AGMO: variants seen among roughly 807,000 people sequenced by gnomAD.
The protein encoded by AGMO is glyceryl-ether monooxygenase.
A neutral mutation model predicts 60.2 loss-of-function variants in AGMO; 75 were observed. The ratio of observed to expected loss-of-function variants is 1.25; its 90% CI spans 1.03 to 1.51. The LOEUF (loss-of-function observed/expected upper bound fraction) is 1.51, where lower values mean the gene tolerates loss of function less well. Ranked by LOEUF, AGMO falls within the 40% of genes most tolerant of loss-of-function variation. AGMO has a pLI of 0.00. For synonymous variants in AGMO, 261 were observed against 177.1 expected, an observed-to-expected ratio of 1.47 and a Z score of -3.76; for missense variants, 763 against 525.5, an observed-to-expected ratio of 1.45 and a Z score of -4.42.
At chr7:15,374,884 G>C (rs190070387) in intron 10 of AGMO, among the ~76,000 whole-genome samples, 29 of 152,202 alleles carry the variant, frequency 1.9e-4, no homozygotes, top group African/African-American at 7.0e-4. Flanking sequence ...AATTTGCAGA[G>C]TGTCGGTCAA....
intron 2 of AGMO, among the ~76,000 whole-genome samples, chr7:15,559,923 C>T (rs750817874): frequency 9.2e-5 from 14 of 151,972 alleles, no homozygotes; most frequent in Non-Finnish European, 2.1e-4. Flanking sequence ...AAAGGGATAT[C>T]AACAGAGTCA....
intron 12 of AGMO, among the ~76,000 whole-genome samples, chr7:15,297,519 CTT>C (rs1226625138): frequency 6.6e-6 from 1 of 152,088 alleles, no homozygotes; most frequent in Non-Finnish European, 1.5e-5. Context: ...AAGTTCAACT[CTT>C]TTTTGATTTA....
At chr7:15,372,163 A>C (rs62452362) in intron 10 of AGMO, among the ~76,000 whole-genome samples, 36 of 41,682 alleles carry the variant, frequency 8.6e-4, no homozygotes, top group African/African-American at 5.1e-3. Flanking sequence ...CTAAAGTCTA[A>C]CATGCGGCTG....
At chr7:15,302,313 G>A (rs1445109479) in intron 12 of AGMO, among the ~76,000 whole-genome samples, 1 of 152,010 alleles carries the variant, frequency 6.6e-6, no homozygotes, top group Non-Finnish European at 1.5e-5. Context: ...TTAATTTACA[G>A]AATTCTTCTT....
At chr7:15,272,617 T>A (rs1182593082) in intron 12 of AGMO, among the ~76,000 whole-genome samples, 1 of 152,126 alleles carries the variant, frequency 6.6e-6, no homozygotes, top group Non-Finnish European at 1.5e-5. Context: ...TACAGCAGCA[T>A]GGTTTATAAT....
intron 12 of AGMO, among the ~76,000 whole-genome samples, chr7:15,208,242 G>A (rs1047381033): frequency 6.6e-6 from 1 of 152,136 alleles, no homozygotes; most frequent in Non-Finnish European, 1.5e-5. Context: ...AGGATACATA[G>A]AGAGAGGGTT....
At chr7:15,507,639 A>G (rs947744505) in intron 3 of AGMO, among the ~76,000 whole-genome samples, 5 of 152,194 alleles carry the variant, frequency 3.3e-5, no homozygotes, top group Non-Finnish European at 7.4e-5. Context: ...ATCCTTATTT[A>G]AAAACTAAGC....
rs200002162 is a variant in AGMO, at chr7:15,561,869, C to T, written c.-24G>A. 1.3e-6 allele frequency: 2 copies of T among 1,582,884 alleles called. No individual in the cohort carries two copies. Among genetic ancestry groups the T allele is most frequent in the East Asian group, 4.5e-5 (2 of 44,140 alleles). ...ATTTCTGCCCTTGTCTGATTCCCAG[C>T]TGGAGAATATTTAGGATTCAATGCT... is the stretch of plus-strand genomic sequence containing the variant. On this transcript the variant is annotated 5_prime_UTR_variant, in exon 1 of 13. Transcript: ENST00000342526.
At chr7:15,179,192 T>C in the AGMO span, among the ~76,000 whole-genome samples, 1 of 151,958 alleles carries the variant, frequency 6.6e-6, no homozygotes, top group Admixed American at 6.6e-5. Context: ...GGCCATAACA[T>C]CAGTCGGGAG....
chr7:15,383,668 T>C (rs536838885), intron 10 of AGMO, among the ~76,000 whole-genome samples: 3 of 152,258 alleles, frequency 2.0e-5, no homozygotes, highest in South Asian at 2.1e-4. Flanking sequence ...ATTTATTAAT[T>C]TCTTTTACTT....
chr7:15,383,290 TAAAGA>T (rs1783768348), intron 10 of AGMO, among the ~76,000 whole-genome samples: 1 of 152,164 alleles, frequency 6.6e-6, no homozygotes, highest in Non-Finnish European at 1.5e-5. Context: ...CTGTAGGAAG[TAAAGA>T]AGATTCCTGA....
At chr7:15,152,531 T>C in the AGMO span, among the ~76,000 whole-genome samples, 2 of 152,166 alleles carry the variant, frequency 1.3e-5, no homozygotes, top group Non-Finnish European at 1.5e-5. Context: ...AAGTCCATTG[T>C]TTAATTAGTA....
At chr7:15,423,308 G>C (rs1248857693) in intron 4 of AGMO, among the ~76,000 whole-genome samples, 2 of 152,148 alleles carry the variant, frequency 1.3e-5, no homozygotes, top group African/African-American at 4.8e-5. Flanking sequence ...CCTGATTATA[G>C]ATAGAGAGCA....
chr7:15,134,266 G>C, the AGMO span, among the ~76,000 whole-genome samples: 4 of 152,100 alleles, frequency 2.6e-5, no homozygotes, highest in Non-Finnish European at 5.9e-5. Flanking sequence ...GAGCTCAAGT[G>C]ATCCTCCCAC....
intron 12 of AGMO, among the ~76,000 whole-genome samples, chr7:15,223,301 T>C (rs926242692): frequency 2.6e-5 from 4 of 151,980 alleles, no homozygotes; most frequent in Admixed American, 6.6e-5. Context: ...ACCATCATTA[T>C]TGATATCTAA....
intron 5 of AGMO, among the ~76,000 whole-genome samples, chr7:15,410,094 G>A (rs1207662714): frequency 6.6e-6 from 1 of 151,490 alleles, no homozygotes. Context: ...GAGAATTCTT[G>A]GGCTGAGACC....
chr7:15,213,858 C>CAA (rs1198852780), intron 12 of AGMO, among the ~76,000 whole-genome samples: 1 of 151,912 alleles, frequency 6.6e-6, no homozygotes, highest in Admixed American at 6.6e-5. Context: ...GGCAAGTACT[C>CAA]AAGTAAAAAC....
At chr7:15,336,506 T>C (rs1283461707) in intron 12 of AGMO, among the ~76,000 whole-genome samples, 2 of 152,146 alleles carry the variant, frequency 1.3e-5, no homozygotes, top group African/African-American at 4.8e-5. Context: ...TCTTACTAAT[T>C]CATGTAGAAG....
intron 3 of AGMO, among the ~76,000 whole-genome samples, chr7:15,512,169 T>C (rs1278979500): frequency 1.3e-5 from 2 of 152,198 alleles, no homozygotes; most frequent in Non-Finnish European, 2.9e-5. Context: ...TGTACTAACC[T>C]CTTGTGTCAT....
Sources: allele counts gnomAD v4.1 joint callset (sites outside exome capture counted in the v4.1 genomes callset), GRCh38; gene constraint gnomAD v4.1.1; transcripts MANE v1.5; gene names NCBI Gene and HGNC (gene_info 2026-07-23, HGNC 2026-07-21).